CDH4: variants seen among roughly 807,000 people sequenced by gnomAD.
The protein encoded by CDH4 is cadherin 4.
CDH4 carries 33 observed loss-of-function variants against 86.0 expected under a neutral mutation model. The observed-to-expected ratio is 0.38, with a 90% CI of 0.29 to 0.51. The LOEUF (loss-of-function observed/expected upper bound fraction) is 0.51, where lower values mean the gene tolerates loss of function less well. Among genes scored for constraint, CDH4 ranks in the 20% least tolerant of loss-of-function variants. The probability of loss-of-function intolerance (pLI) is 0.86; values close to 1 mark genes in which losing one functional copy is unlikely to be tolerated. For missense variants in CDH4, 1,114 were observed against 1,307.4 expected (o/e 0.85, Z 2.28); for synonymous variants, 555 against 549.4 (o/e 1.01, Z -0.14).
chr20:61,832,837 G>A (rs1325599028), intron 4 of CDH4, among the ~76,000 whole-genome samples: 1 of 152,148 alleles, frequency 6.6e-6, no homozygotes, highest in Non-Finnish European at 1.5e-5. Context: ...GGAAGCATCC[G>A]TTGTCATTAC....
chr20:61,477,903 A>G (rs1334486885), intron 2 of CDH4, among the ~76,000 whole-genome samples: 1 of 152,218 alleles, frequency 6.6e-6, no homozygotes, highest in East Asian at 1.9e-4. Context: ...AGGTTTCATG[A>G]GCTGAGAAAT....
chr20:61,513,786 C>T (rs907949227), intron 2 of CDH4, among the ~76,000 whole-genome samples: 8 of 152,198 alleles, frequency 5.3e-5, no homozygotes, highest in African/African-American at 1.9e-4. Flanking sequence ...CCTCTGGCCA[C>T]CCACTCACTG....
At chr20:61,270,634 G>C (rs1219150564) in intron 2 of CDH4, among the ~76,000 whole-genome samples, 2 of 152,160 alleles carry the variant, frequency 1.3e-5, no homozygotes, top group African/African-American at 4.8e-5. Flanking sequence ...AAGGTTAATG[G>C]CTGGTAAACG....
At chr20:61,825,845 A>G (rs1376385832) in intron 4 of CDH4, among the ~76,000 whole-genome samples, 2 of 152,208 alleles carry the variant, frequency 1.3e-5, no homozygotes, top group African/African-American at 4.8e-5. Context: ...CCCCAAAGTT[A>G]ATGGCAGCTC....
intron 4 of CDH4, among the ~76,000 whole-genome samples, chr20:61,816,695 G>A (rs1294867172): frequency 1.3e-5 from 2 of 150,320 alleles, no homozygotes; most frequent in East Asian, 1.9e-4. Context: ...AAATGGGGGG[G>A]GGCGGTTTGT....
chr20:61,293,454 C>T (rs931875113), intron 2 of CDH4, among the ~76,000 whole-genome samples: 4 of 152,018 alleles, frequency 2.6e-5, no homozygotes, highest in African/African-American at 7.2e-5. Context: ...GGCAGGCGTG[C>T]GGGGACTTCT....
intron 2 of CDH4, among the ~76,000 whole-genome samples, chr20:61,446,180 A>G (rs1199623365): frequency 6.6e-6 from 1 of 152,212 alleles, no homozygotes. Context: ...AGCAGTCACT[A>G]AGCAGTGTCA....
At chr20:61,309,115 G>C (rs1295553625) in intron 2 of CDH4, among the ~76,000 whole-genome samples, 1 of 152,242 alleles carries the variant, frequency 6.6e-6, no homozygotes, top group African/African-American at 2.4e-5. Context: ...GCCAAGCACA[G>C]GGCGCTTCTG....
intron 2 of CDH4, among the ~76,000 whole-genome samples, chr20:61,626,747 G>C (rs1336282858): frequency 1.3e-5 from 2 of 152,312 alleles, no homozygotes; most frequent in East Asian, 3.9e-4. Flanking sequence ...TGTGTAACTT[G>C]TCACCTCCAC....
chr20:61,904,736 G>A (rs181055731), intron 8 of CDH4, among the ~76,000 whole-genome samples: 519 of 152,346 alleles, frequency 3.4e-3, no homozygotes, highest in African/African-American at 0.011. Context: ...TGCCTCCCAC[G>A]TGGCCGCTTG....
At chr20:61,915,925 C>T (rs1406153556) in intron 9 of CDH4, among the ~76,000 whole-genome samples, 1 of 152,130 alleles carries the variant, frequency 6.6e-6, no homozygotes, top group Non-Finnish European at 1.5e-5. Context: ...GACTTGCAGC[C>T]ACACTGTCCC....
At position 61,404,292 on chromosome 20, in the gene CDH4, A is replaced by T. The variant is rs148145545; in HGVS notation, c.169+149355A>T. 3.5e-3 allele frequency among the ~76,000 whole-genome samples: 536 copies of T among 152,044 alleles called. 5 individuals are homozygous for T. Among genetic ancestry groups the T allele is most frequent in the African/African-American group, 0.012 (511 of 41,476 alleles). On this transcript the variant is annotated intron_variant, in intron 2 of 15. Transcript: ENST00000614565. ...TTCCTGATTGTTTTAATTTCCAAAA[A>T]CCATGATGAGGACAGCTGCTGAAAT...
At chr20:61,482,892 A>G (rs2085575851) in intron 2 of CDH4, among the ~76,000 whole-genome samples, 1 of 152,214 alleles carries the variant, frequency 6.6e-6, no homozygotes, top group South Asian at 2.1e-4. Context: ...GTGGTACCTC[A>G]TGCCATCAGC....
chr20:61,662,394 G>C lies in CDH4; in HGVS notation c.170-81169G>C, dbSNP rs537809454. Among the ~76,000 whole-genome samples the C allele has an allele frequency of 1.3e-3, 199 of 152,344 alleles. 2 individuals carry two copies. The highest frequency in any genetic ancestry group is 4.1e-3 in the Admixed American group (63 of 15,308). ...CAGGTTGTGCTGTCCAATTAATGAT[G>C]AAACAACCTGTCCTCAACGTTCTCA... On this transcript the variant is annotated intron_variant, in intron 2 of 15. Transcript: ENST00000614565.
At chr20:61,256,249 A>G (rs1179823175) in intron 2 of CDH4, among the ~76,000 whole-genome samples, 1 of 152,140 alleles carries the variant, frequency 6.6e-6, no homozygotes, top group East Asian at 1.9e-4. Context: ...TGGGGCACTG[A>G]CTGCAGTCTG....
At chr20:61,704,188 G>A (rs948134147) in intron 2 of CDH4, among the ~76,000 whole-genome samples, 8 of 152,104 alleles carry the variant, frequency 5.3e-5, no homozygotes, top group African/African-American at 1.4e-4. Context: ...AAGTGCAGAC[G>A]GGACAGGATC....
chr20:61,519,859 C>T (rs1475478), intron 2 of CDH4, among the ~76,000 whole-genome samples: 24,030 of 152,126 alleles, frequency 0.16, 2,290 homozygotes, highest in South Asian at 0.36. Context: ...GGGCCCTGAC[C>T]GCTGTCTAGA....
intron 2 of CDH4, among the ~76,000 whole-genome samples, chr20:61,581,235 A>G (rs982398641): frequency 3.3e-5 from 5 of 152,172 alleles, no homozygotes; most frequent in Non-Finnish European, 7.4e-5. Context: ...ATGTCTCGCC[A>G]TATGTATTAG....
chr20:61,564,785 G>A (rs1288001250), intron 2 of CDH4, among the ~76,000 whole-genome samples: 1 of 152,172 alleles, frequency 6.6e-6, no homozygotes, highest in East Asian at 1.9e-4. Context: ...AATAGAAGGT[G>A]GGTCTGAGAG....
Sources: gnomAD v4.1 joint callset for allele counts (sites outside exome capture counted in the v4.1 genomes callset) on GRCh38, gnomAD v4.1.1 for gene constraint, MANE v1.5 for transcripts, NCBI Gene and HGNC (gene_info 2026-07-23, HGNC 2026-07-21) for gene names.